The following ODAD2 variants were observed in gnomAD, a reference collection of about 807,000 sequenced individuals.
The protein encoded by ODAD2 is outer dynein arm-docking complex subunit 2.
In ODAD2, 89 loss-of-function variants were observed where a neutral mutation model predicts 106.8. That is an observed-to-expected ratio of 0.83 (90% CI 0.70 to 0.99). The LOEUF is 0.99. Ranked by LOEUF, ODAD2 falls within the 50% of genes least tolerant of loss-of-function variation. ODAD2 has a pLI of 0.00. For synonymous variants in ODAD2, 404 were observed against 436.2 expected (o/e 0.93, Z 0.92); for missense variants, 1,168 against 1,238.5 (o/e 0.94, Z 0.85).
chr10:27,941,238 C>T (rs895524935), intron 12 of ODAD2, among the ~76,000 whole-genome samples: 2 of 151,792 alleles, frequency 1.3e-5, no homozygotes, highest in African/African-American at 4.8e-5. Context: ...AATCACAACA[C>T]TTTAGGAGCT....
At chr10:27,847,690 A>G (rs1023683237) in intron 19 of ODAD2, among the ~76,000 whole-genome samples, 14 of 152,144 alleles carry the variant, frequency 9.2e-5, no homozygotes, top group African/African-American at 3.4e-4. Flanking sequence ...TCAGCCCAAA[A>G]TCTCCTTAAG....
chr10:27,918,680 T>G (rs1029910752), intron 16 of ODAD2, among the ~76,000 whole-genome samples: 7 of 151,788 alleles, frequency 4.6e-5, no homozygotes, highest in African/African-American at 1.7e-4. Flanking sequence ...AACAGAGGTC[T>G]TGGCCTGCCT....
In ODAD2 at chr10:27,901,723, G is replaced by T. The variant is rs547599255; in HGVS notation, c.2610+5940C>A. Among the ~76,000 whole-genome samples, 45 of 152,168 alleles carry T rather than the reference G, an allele frequency of 3.0e-4. No homozygotes were observed. The South Asian group carries it at 7.5e-3, about 25-fold the overall frequency. On this transcript the variant is annotated intron_variant, in intron 17 of 19. Transcript: ENST00000305242. ...ATCAAAAAAGACAAAAAAGGGCATT[G>T]CATAATGGTAAAGGGATCAATGCAA...
chr10:27,986,793 A>C (rs1427850678), intron 3 of ODAD2, among the ~76,000 whole-genome samples: 6 of 151,650 alleles, frequency 4.0e-5, no homozygotes, highest in Non-Finnish European at 8.8e-5. Context: ...ATTAGATGAT[A>C]GTGTGAACAT....
chr10:27,815,864 A>G (rs977620122), intron 19 of ODAD2, among the ~76,000 whole-genome samples: 1 of 152,184 alleles, frequency 6.6e-6, no homozygotes, highest in Non-Finnish European at 1.5e-5. Context: ...GGAACACTTC[A>G]TATCCAACAC....
chr10:27,961,304 C>A (rs1318694882), intron 10 of ODAD2, among the ~76,000 whole-genome samples: 1 of 152,132 alleles, frequency 6.6e-6, no homozygotes, highest in Non-Finnish European at 1.5e-5. Flanking sequence ...AAAATGGCAG[C>A]AAGTCACAGT....
intron 12 of ODAD2, among the ~76,000 whole-genome samples, chr10:27,942,039 GGTGGGATAGGAAC>G (rs1011541046): frequency 3.9e-5 from 6 of 152,142 alleles, no homozygotes; most frequent in African/African-American, 1.4e-4. Flanking sequence ...ACTGACTGCA[GGTGGGATAGGAAC>G]GTGGGAAAAA....
chr10:27,894,006 A>G (rs975115694), intron 17 of ODAD2, among the ~76,000 whole-genome samples: 5 of 151,964 alleles, frequency 3.3e-5, no homozygotes, highest in African/African-American at 1.2e-4. Flanking sequence ...TTAGCCAGGC[A>G]TGGTGGCTCA....
intron 7 of ODAD2, among the ~76,000 whole-genome samples, chr10:27,975,512 A>T (rs1325172006): frequency 6.6e-6 from 1 of 152,150 alleles, no homozygotes; most frequent in Admixed American, 6.6e-5. Flanking sequence ...AGTTTATGCC[A>T]ATAAATCTGG....
chr10:27,920,983 A>T (rs74127152), intron 16 of ODAD2, among the ~76,000 whole-genome samples: 4,710 of 152,276 alleles, frequency 0.031, 254 homozygotes, highest in African/African-American at 0.11. Flanking sequence ...AGAGTCTTTC[A>T]TTACACGATC....
At chr10:27,952,635 A>G (rs988533822) in intron 10 of ODAD2, among the ~76,000 whole-genome samples, 1 of 152,098 alleles carries the variant, frequency 6.6e-6, no homozygotes, top group African/African-American at 2.4e-5. Flanking sequence ...TTTTATTACC[A>G]CAGGGAGATT....
chr10:27,816,108 C>G (rs1303862086), intron 19 of ODAD2, among the ~76,000 whole-genome samples: 3 of 152,166 alleles, frequency 2.0e-5, no homozygotes, highest in Non-Finnish European at 4.4e-5. Context: ...TGTGATTCAG[C>G]TGCCTACACA....
intron 16 of ODAD2, among the ~76,000 whole-genome samples, chr10:27,934,497 A>G (rs866722644): frequency 4.0e-5 from 6 of 151,022 alleles, no homozygotes; most frequent in South Asian, 2.1e-4. Context: ...CTATATGTAT[A>G]TTGTATCTTT....
intron 19 of ODAD2, among the ~76,000 whole-genome samples, chr10:27,838,162 T>C (rs1838044023): frequency 6.6e-6 from 1 of 152,238 alleles, no homozygotes; most frequent in Non-Finnish European, 1.5e-5. Flanking sequence ...TTACTTTTTG[T>C]ATTTAACAGG....
chr10:27,890,769 T>TA (rs1468987719), intron 17 of ODAD2, among the ~76,000 whole-genome samples: 5 of 76,728 alleles, frequency 6.5e-5, no homozygotes, highest in Admixed American at 1.5e-4. Flanking sequence ...TATATATATA[T>TA]TTAAAAAAAA....
At chr10:27,886,766 T>C (rs1186816582) in intron 17 of ODAD2, among the ~76,000 whole-genome samples, 1 of 151,990 alleles carries the variant, frequency 6.6e-6, no homozygotes. Context: ...GAGAGAAAAG[T>C]GGAGTTGTAT....
At chr10:27,869,622 C>T (rs758546531) in intron 17 of ODAD2, among the ~76,000 whole-genome samples, 1 of 151,716 alleles carries the variant, frequency 6.6e-6, no homozygotes, top group Non-Finnish European at 1.5e-5. Context: ...GCAACTTCCG[C>T]CCCCTAGGTT....
intron 19 of ODAD2, among the ~76,000 whole-genome samples, chr10:27,835,079 T>C (rs1837764921): frequency 6.6e-6 from 1 of 152,124 alleles, no homozygotes; most frequent in African/African-American, 2.4e-5. Flanking sequence ...CGCGTGGCCC[T>C]GCGTCCTGGC....
At chr10:27,909,920 A>C (rs1019747735) in intron 16 of ODAD2, among the ~76,000 whole-genome samples, 1 of 152,044 alleles carries the variant, frequency 6.6e-6, no homozygotes, top group African/African-American at 2.4e-5. Flanking sequence ...AGGAACTAAC[A>C]AAGTCAGGAG....
Sources: allele counts gnomAD v4.1 joint callset (sites outside exome capture counted in the v4.1 genomes callset), GRCh38; gene constraint gnomAD v4.1.1; transcripts MANE v1.5; gene names NCBI Gene and HGNC (gene_info 2026-07-23, HGNC 2026-07-21).